The following SCML4 variants were observed in gnomAD, a reference collection of about 807,000 sequenced individuals.
SCML4 encodes the protein sex comb on midleg-like protein 4.
A neutral mutation model predicts 41.1 loss-of-function variants in SCML4; 34 were observed. That is an observed-to-expected ratio of 0.83 (90% CI 0.63 to 1.10). The LOEUF is 1.10. Among genes scored for constraint, SCML4 ranks in the 50% least tolerant of loss-of-function variants. SCML4 has a pLI of 0.00. For synonymous variants in SCML4, 214 were observed against 220.9 expected, an observed-to-expected ratio of 0.97 and a Z score of 0.28; for missense variants, 522 against 534.1, an observed-to-expected ratio of 0.98 and a Z score of 0.22.
chr6:107,825,712 G>A (rs1419402028), upstream of SCML4, among the ~76,000 whole-genome samples: 5 of 149,300 alleles, frequency 3.3e-5, no homozygotes, highest in Non-Finnish European at 5.9e-5. Context: ...AGGCCAAGGC[G>A]GGTGGATCAC....
At chr6:107,719,939 C>G (rs769596192) in intron 6 of SCML4, 64 of 985,444 alleles carry the variant, frequency 6.5e-5, no homozygotes, top group Non-Finnish European at 7.5e-5. Flanking sequence ...ATCAGAAGGG[C>G]CTTCAAGCTA....
At chr6:107,775,868 A>G (rs766263203) in intron 1 of SCML4, among the ~76,000 whole-genome samples, 8 of 152,196 alleles carry the variant, frequency 5.3e-5, no homozygotes, top group Non-Finnish European at 8.8e-5. Context: ...AATTAAATGA[A>G]TATTAAATTT....
At chr6:107,830,863 C>T in the SCML4 span, among the ~76,000 whole-genome samples, 3 of 152,244 alleles carry the variant, frequency 2.0e-5, no homozygotes, top group East Asian at 1.9e-4. Flanking sequence ...AACAAATGAG[C>T]TTTAATTCAA....
chr6:107,737,223 T>C (rs767597305), intron 5 of SCML4, among the ~76,000 whole-genome samples: 11 of 152,224 alleles, frequency 7.2e-5, no homozygotes, highest in Non-Finnish European at 1.0e-4. Flanking sequence ...AATGCCATTG[T>C]GGACGTGGAA....
chr6:107,806,921 G>A (rs970446932), intron 1 of SCML4, among the ~76,000 whole-genome samples: 7 of 152,224 alleles, frequency 4.6e-5, no homozygotes, highest in African/African-American at 1.4e-4. Context: ...CCGCCTGCCC[G>A]CTGGCAGAGT....
At chr6:107,715,422 C>A (rs1710793077) in intron 6 of SCML4, among the ~76,000 whole-genome samples, 2 of 150,882 alleles carry the variant, frequency 1.3e-5, no homozygotes, top group African/African-American at 4.9e-5. Context: ...AAAAATCCAA[C>A]CACAGGAGGC....
intron 5 of SCML4, among the ~76,000 whole-genome samples, chr6:107,724,232 C>A (rs190467859): frequency 2.6e-5 from 4 of 152,106 alleles, no homozygotes; most frequent in Non-Finnish European, 4.4e-5. Context: ...TGGATGCTGT[C>A]CCCCAAGATC....
chr6:107,784,614 C>T (rs143944663), intron 1 of SCML4, among the ~76,000 whole-genome samples: 15 of 152,252 alleles, frequency 9.9e-5, no homozygotes, highest in African/African-American at 3.6e-4. Flanking sequence ...GTTTTTTTCT[C>T]TGCATACTCT....
the SCML4 span, among the ~76,000 whole-genome samples, chr6:107,837,988 A>G: frequency 1.3e-5 from 2 of 148,526 alleles, no homozygotes; most frequent in Non-Finnish European, 3.0e-5. Flanking sequence ...GCTCACTGCA[A>G]TCTCTGCTTC....
intron 5 of SCML4, among the ~76,000 whole-genome samples, chr6:107,730,725 T>C (rs1776454185): frequency 1.3e-5 from 2 of 152,130 alleles, no homozygotes; most frequent in Admixed American, 1.3e-4. Flanking sequence ...TGATGGTCCT[T>C]TTTCACCATC....
chr6:107,708,140 A>C, intron 6 of SCML4, 129 bp from the exon 7 acceptor site: 1 of 1,047,812 alleles, frequency 9.5e-7, no homozygotes, highest in Non-Finnish European at 1.4e-6. Context: ...ACCTGGCCCA[A>C]GTGACCTCCT....
At chr6:107,731,680 G>A (rs1429020821) in intron 5 of SCML4, among the ~76,000 whole-genome samples, 5 of 152,236 alleles carry the variant, frequency 3.3e-5, no homozygotes, top group Non-Finnish European at 7.3e-5. Context: ...TCAGTGTCCT[G>A]TGGCCTCCGT....
chr6:107,817,641 A>AAAAAAAAAAAAAAAC, intron 1 of SCML4, among the ~76,000 whole-genome samples: 1 of 151,352 alleles, frequency 6.6e-6, no homozygotes, highest in African/African-American at 2.4e-5. Context: ...AAAAAGAAAA[A>AAAAAAAAAAAAAAAC]AAAAAATCAC....
rs528258732 is a variant in SCML4 at position 107,820,482 on chromosome 6, A to G, written c.-60+3644T>C. On this transcript the variant is annotated intron_variant, in intron 1 of 7. Coordinates refer to ENST00000369020, the MANE Select transcript of SCML4 (RefSeq NM_198081.5). ...TGCTCCTGTCTGTGCCTCTTCAGACATTAATATATGCAGATCAGAGGAAGC... is the reference window on the plus strand; with the variant it reads ...TGCTCCTGTCTGTGCCTCTTCAGACGTTAATATATGCAGATCAGAGGAAGC... Among the ~76,000 whole-genome samples the G allele has an allele frequency of 5.3e-5, 8 of 152,306 alleles. No individual in the cohort carries two copies. In the South Asian group the frequency reaches 1.7e-3, roughly 32 times the overall value.
At chr6:107,764,677 A>G (rs985060524) in intron 2 of SCML4, among the ~76,000 whole-genome samples, 5 of 152,124 alleles carry the variant, frequency 3.3e-5, no homozygotes, top group Admixed American at 1.3e-4. Flanking sequence ...AAAAAGAAAA[A>G]CAAAAAAGTT....
intron 2 of SCML4, among the ~76,000 whole-genome samples, chr6:107,761,323 T>G (rs4946856): frequency 0.73 from 110,818 of 151,874 alleles, 41,912 homozygotes; most frequent in East Asian, 0.9. Context: ...GCCAAAGACA[T>G]AGAGAAAAAT....
the SCML4 span, among the ~76,000 whole-genome samples, chr6:107,830,824 C>T: frequency 9.2e-5 from 14 of 152,078 alleles, no homozygotes; most frequent in African/African-American, 2.2e-4. Context: ...TCTTTGTGAT[C>T]GCTTCTGCTT....
chr6:107,720,730 T>C lies in SCML4; in HGVS notation c.946A>G (p.Thr316Ala), dbSNP rs1467775129. The C allele has an allele frequency of 6.3e-7, 1 of 1,578,114 alleles. No homozygotes were observed. The highest frequency in any genetic ancestry group is 1.7e-4 in the Middle Eastern group (1 of 5,832). ...CATCTGTTTCCTTCAAGAGAGGTCG[T>C]GTTTCTCTTGGGGCTGGAGGCTGGA... Reference protein sequence around the residue: ...RPPASSPKRNTTSLEGNRCAS... With the variant: ...RPPASSPKRNATSLEGNRCAS... The change falls in exon 6 of 8, where the codon ACG (threonine) becomes GCG (alanine). Residue 316 changes from threonine to alanine, a missense_variant. Transcript: ENST00000369020.
chr6:107,789,524 G>A (rs150420551), intron 1 of SCML4, among the ~76,000 whole-genome samples: 155 of 152,260 alleles, frequency 1.0e-3, no homozygotes, highest in African/African-American at 3.4e-3. Context: ...CTTCTCCATC[G>A]CAGTCTCCCA....
Sources: allele counts gnomAD v4.1 joint callset (sites outside exome capture counted in the v4.1 genomes callset), GRCh38; gene constraint gnomAD v4.1.1; transcripts MANE v1.5; gene names NCBI Gene and HGNC (gene_info 2026-07-23, HGNC 2026-07-21).